The following TCEA1 variants were observed in gnomAD, a reference collection of about 807,000 sequenced individuals.
TCEA1 encodes transcription elongation factor A protein 1.
Under a neutral mutation model 43.8 loss-of-function variants are expected in TCEA1, and 21 were observed. The ratio of observed to expected loss-of-function variants is 0.48; its 90% CI spans 0.34 to 0.69. TCEA1 has a LOEUF of 0.69. Ranked by LOEUF, TCEA1 falls within the 30% of genes least tolerant of loss-of-function variation. The pLI, the probability that TCEA1 is intolerant of heterozygous loss-of-function variation, is 0.01. For synonymous variants in TCEA1, 104 were observed against 117.5 expected (o/e 0.88, Z 0.75); for missense variants, 250 against 365.1 (o/e 0.68, Z 2.57).
chr8:53,972,875 TG>T (rs1476070894), intron 8 of TCEA1: 1 of 704,252 alleles, frequency 1.4e-6, no homozygotes, highest in African/African-American at 1.7e-5. Flanking sequence ...TTATACCAGA[TG>T]ATACTACTTT....
chr8:53,971,607 C>G (rs1203460804), intron 8 of TCEA1: 1 of 157,574 alleles, frequency 6.3e-6, no homozygotes, highest in Non-Finnish European at 1.4e-5. Context: ...AAGATTCCAT[C>G]TCAAAAAAAA....
chr8:54,022,240 G>C lies in TCEA1; in HGVS notation c.-115C>G. 1.6e-6 allele frequency: 2 copies of C among 1,262,812 alleles called. No homozygotes were observed. The highest frequency in any genetic ancestry group is 2.5e-5 in the South Asian group (2 of 80,454). The allele number at this position is 1,262,812 out of a possible 1,614,324, so 78.2% of individuals were successfully genotyped here. On this transcript the variant is annotated 5_prime_UTR_variant, in exon 1 of 10. Coordinates refer to ENST00000521604, the MANE Select transcript of TCEA1 (RefSeq NM_006756.4). The stretch of plus-strand genomic sequence containing the variant: ...CGCGCAGCAACCCCCACCACCGCAG[G>C]CCCGGGCCTAGGCCCCCTTCCTTAC...
intron 4 of TCEA1, among the ~76,000 whole-genome samples, chr8:53,990,360 C>CTT (rs869104595): frequency 3.7e-5 from 5 of 136,894 alleles, no homozygotes; most frequent in East Asian, 2.1e-4. Flanking sequence ...CATTTCTTTT[C>CTT]TTTTTTTTTT....
rs140835577 is a variant in TCEA1 at position 53,990,817 on chromosome 8, A to T, written c.321-2558T>A. 3.0e-3 allele frequency among the ~76,000 whole-genome samples: 460 copies of T among 152,248 alleles called. 1 individual carries two copies. Among genetic ancestry groups the T allele is most frequent in the Middle Eastern group, 0.01 (3 of 294 alleles). On this transcript the variant is annotated intron_variant, in intron 4 of 9. Coordinates refer to ENST00000521604, the MANE Select transcript of TCEA1 (RefSeq NM_006756.4). ...TGCTGGTCCCACTTCCTACATTCTG[A>T]TCCTTCCTTTCTAAGCATTTAAACA...
intron 1 of TCEA1, among the ~76,000 whole-genome samples, chr8:54,010,966 C>A (rs1282898922): frequency 6.6e-6 from 1 of 152,106 alleles, no homozygotes; most frequent in Non-Finnish European, 1.5e-5. Context: ...CAGGCACACA[C>A]CACCACGCTG....
At chr8:53,999,096 C>T (rs1056153704) in intron 3 of TCEA1, among the ~76,000 whole-genome samples, 4 of 151,644 alleles carry the variant, frequency 2.6e-5, no homozygotes, top group Admixed American at 6.6e-5. Flanking sequence ...GGCGTGGTGG[C>T]GGCCACCTGT....
rs1249181182 is a variant in TCEA1, at chr8:53,968,556, TC to T, written c.898-445del. On this transcript the variant is annotated intron_variant, in intron 9 of 9. Transcript: ENST00000521604. Reference sequence around the variant, plus strand: ...CACCTCATCACCATAATAAAAATGATCCATCAGCTGGGCACGGTGGCTCACA... The same window carrying T: ...CACCTCATCACCATAATAAAAATGATCATCAGCTGGGCACGGTGGCTCACA... 3.9e-5 allele frequency among the ~76,000 whole-genome samples: 6 copies of T among 152,096 alleles called. No homozygotes were observed. In the East Asian group the frequency reaches 1.2e-3, roughly 29 times the overall value.
chr8:54,001,548 G>GA (rs1008978811), intron 2 of TCEA1, among the ~76,000 whole-genome samples: 1 of 152,002 alleles, frequency 6.6e-6, no homozygotes, highest in African/African-American at 2.4e-5. Flanking sequence ...AGTTTACTAG[G>GA]AAAAAAACTC....
chr8:53,978,155 T>G (rs1803388663), intron 8 of TCEA1, among the ~76,000 whole-genome samples: 1 of 152,116 alleles, frequency 6.6e-6, no homozygotes, highest in Non-Finnish European at 1.5e-5. Flanking sequence ...TCCCAGTACT[T>G]CGGGAGGCCA....
chr8:53,999,121 G>A (rs763254673), intron 3 of TCEA1, among the ~76,000 whole-genome samples: 10 of 151,192 alleles, frequency 6.6e-5, no homozygotes, highest in Non-Finnish European at 1.3e-4. Flanking sequence ...CCAGCTACTC[G>A]GGAGGCTGAG....
intron 2 of TCEA1, among the ~76,000 whole-genome samples, chr8:54,009,557 A>C (rs1164122522): frequency 6.6e-6 from 1 of 152,228 alleles, no homozygotes; most frequent in Non-Finnish European, 1.5e-5. Flanking sequence ...AACTGAAATA[A>C]GCCAGGCAGA....
chr8:53,986,817 C>A (rs557128608), intron 6 of TCEA1, 152 bp downstream of exon 6: 15 of 618,562 alleles, frequency 2.4e-5, no homozygotes, highest in South Asian at 1.7e-4. Flanking sequence ...GACCAATCCT[C>A]TTCTGCTTCT....
chr8:53,975,801 G>A (rs570169011), intron 8 of TCEA1, among the ~76,000 whole-genome samples: 11 of 152,192 alleles, frequency 7.2e-5, no homozygotes, highest in South Asian at 2.1e-4. Context: ...AAAGTGTTCC[G>A]GAGACTGGAT....
At chr8:53,988,311 G>A in intron 4 of TCEA1, 52 bp from the exon 5 acceptor site, 2 of 1,581,166 alleles carry the variant, frequency 1.3e-6, no homozygotes, top group Non-Finnish European at 1.7e-6. Context: ...TCCTTTCAAA[G>A]TAACAATACT....
At chr8:54,021,956 A>G (rs538382070) in intron 1 of TCEA1, 107 bp downstream of exon 1, 1 of 1,130,416 alleles carries the variant, frequency 8.8e-7, no homozygotes, top group East Asian at 3.5e-5. Context: ...CGGCTCCCAG[A>G]CGGGAGGCTG....
chr8:53,990,334 G>T (rs772174131), intron 4 of TCEA1, among the ~76,000 whole-genome samples: 7 of 150,648 alleles, frequency 4.6e-5, no homozygotes, highest in South Asian at 2.1e-4. Flanking sequence ...GAGCCACCGT[G>T]CCAGGCCCCA....
chr8:54,015,876 A>G (rs1200791743), intron 1 of TCEA1, among the ~76,000 whole-genome samples: 1 of 152,214 alleles, frequency 6.6e-6, no homozygotes, highest in East Asian at 1.9e-4. Flanking sequence ...ATCTGAATAG[A>G]CATTTATTTC....
intron 1 of TCEA1, among the ~76,000 whole-genome samples, chr8:54,012,118 T>C (rs2051640761): frequency 6.6e-6 from 1 of 152,214 alleles, no homozygotes; most frequent in Non-Finnish European, 1.5e-5. Context: ...TTCGATCCCT[T>C]ATCTGCAAAT....
intron 2 of TCEA1, among the ~76,000 whole-genome samples, chr8:54,006,379 T>C (rs1304508223): frequency 6.6e-6 from 1 of 152,144 alleles, no homozygotes; most frequent in Non-Finnish European, 1.5e-5. Flanking sequence ...CTCAGGAGGC[T>C]GAGGCAGGAG....
Sources: gnomAD v4.1 joint callset for allele counts (sites outside exome capture counted in the v4.1 genomes callset) on GRCh38, gnomAD v4.1.1 for gene constraint, MANE v1.5 for transcripts, NCBI Gene and HGNC (gene_info 2026-07-23, HGNC 2026-07-21) for gene names.